The following COL9A3 variants were observed in gnomAD, a reference collection of about 807,000 sequenced individuals.
The protein encoded by COL9A3 is collagen alpha-3(IX) chain.
Under a neutral mutation model 110.2 loss-of-function variants are expected in COL9A3, and 82 were observed. The ratio of observed to expected loss-of-function variants is 0.74; its 90% confidence interval spans 0.62 to 0.89. The LOEUF (loss-of-function observed/expected upper bound fraction) is 0.89. Among genes scored for constraint, COL9A3 ranks in the 40% least tolerant of loss-of-function variants. The pLI, the probability that COL9A3 is intolerant of heterozygous loss-of-function variation, is 0.00. For missense variants in COL9A3, 1,066 were observed against 981.3 expected, an observed-to-expected ratio of 1.09 and a Z score of -1.15; for synonymous variants, 494 against 403.8, an observed-to-expected ratio of 1.22 and a Z score of -2.68.
intron 26 of COL9A3, among the ~76,000 whole-genome samples, chr20:62,834,450 G>A (rs1009567266): frequency 1.8e-4 from 26 of 148,308 alleles, no homozygotes; most frequent in Non-Finnish European, 5.9e-5. Flanking sequence ...TCGTGAGTCC[G>A]AGGGAAGGAC....
chr20:62,824,637 G>A, intron 11 of COL9A3, 136 bp downstream of exon 11: 1 of 949,218 alleles, frequency 1.1e-6, no homozygotes. Context: ...AGAAAGCTAG[G>A]CCAGCCTCCT....
In COL9A3 at chr20:62,836,246, T is replaced by A. The variant is rs140973451; in HGVS notation, c.1461T>A (p.Gly487=). The change falls in exon 28 of 32, where the codon GGT becomes GGA. Residue 487 remains glycine (G), a synonymous_variant. Coordinates refer to ENST00000649368, the MANE Select transcript of COL9A3 (RefSeq NM_001853.4). ...CCCAGGGTCCCAACGGCACCAGCGG[T>A]GTTCAGGGTGTCCCCGGGCCCCCCG... ...KGTQGPNGTS[G]VQGVPGPPGP... 2.6e-4 allele frequency: 424 copies of A among 1,613,668 alleles called. 1 individual carries two copies. In the Middle Eastern group the frequency reaches 3.8e-3, roughly 14 times the overall value.
Position 62,819,389 on chromosome 20 carries a change from C to G in COL9A3, c.255+96C>G, listed in dbSNP as rs572137824. 12 of 1,238,026 alleles carry G rather than the reference C, an allele frequency of 9.7e-6. No homozygotes were observed. In the African/African-American group the frequency reaches 1.6e-4, roughly 17 times the overall value. 76.7% of individuals were successfully genotyped at this position (1,238,026 alleles called of 1,614,324 possible). Reference sequence around the variant, plus strand: ...TTGCTGTTGTCCAGCTGGGCCTGCTCAGGCGGGAAGCCCAGTCCTGAGAGA... The same window carrying G: ...TTGCTGTTGTCCAGCTGGGCCTGCTGAGGCGGGAAGCCCAGTCCTGAGAGA... On this transcript the variant is annotated intron_variant, in intron 4 of 31. Coordinates refer to ENST00000649368, the MANE Select transcript of COL9A3 (RefSeq NM_001853.4).
intron 5 of COL9A3, among the ~76,000 whole-genome samples, chr20:62,820,742 A>G (rs1480319968): frequency 1.3e-5 from 2 of 151,442 alleles, no homozygotes; most frequent in East Asian, 3.9e-4. Context: ...CCGTCCAGGG[A>G]ATGAGGCATT....
Position 62,837,157 on chromosome 20 carries a change from G to A in COL9A3, c.1678G>A (p.Gly560Ser). 6.2e-7 allele frequency: 1 copy of A among 1,613,060 alleles called. No individual in the cohort carries two copies. Among genetic ancestry groups the A allele is most frequent in the Non-Finnish European group, 8.5e-7 (1 of 1,179,930 alleles). The part of the protein sequence containing the change: ...PGSIGRPGPA[G>S]PPGPPGPPGS... Reference sequence around the variant, plus strand: ...GTCCATTGGTCGGCCCGGTCCAGCTGGCCCCCCTGGGCCCCCAGGACCCCC... The same window carrying A: ...GTCCATTGGTCGGCCCGGTCCAGCTAGCCCCCCTGGGCCCCCAGGACCCCC... Residue 560 changes from glycine (G) to serine (S), a missense_variant, in exon 30 of 32, where the codon GGC (glycine) becomes AGC (serine). Transcript: ENST00000649368.
chr20:62,837,373 C>G, intron 30 of COL9A3, 108 bp downstream of exon 30: 1 of 1,234,882 alleles, frequency 8.1e-7, no homozygotes, highest in Admixed American at 2.0e-5. Context: ...AGGGGTAACC[C>G]CTGGAACGTG....
chr20:62,830,923 G>T (rs567497422), intron 24 of COL9A3, among the ~76,000 whole-genome samples: 27 of 151,208 alleles, frequency 1.8e-4, no homozygotes, highest in African/African-American at 6.3e-4. Flanking sequence ...GGCGCCTTTG[G>T]CCCCTCTGAC....
intron 17 of COL9A3, 123 bp from the exon 18 acceptor site, chr20:62,828,641 G>A: frequency 8.9e-7 from 1 of 1,122,752 alleles, no homozygotes; most frequent in Non-Finnish European, 1.3e-6. Context: ...CCAGATAACT[G>A]CCAGGGTGTG....
rs2063653170 is a variant in COL9A3 at position 62,838,695 on chromosome 20, G to T, written c.1798G>T (p.Asp600Tyr). The T allele has an allele frequency of 6.4e-7, 1 of 1,552,688 alleles. No homozygotes were observed. Among genetic ancestry groups the T allele is most frequent in the African/African-American group, 1.4e-5 (1 of 73,216 alleles). ...ACACCTCGTGACAGGAAACCAGGGT[G>T]ACAGAGGAGACAAAGGCGCGGCAGG... ...GDPGPRGNQG[D>Y]RGDKGAAGAG... The change falls in exon 31 of 32, where the codon GAC becomes TAC. Residue 600 changes from aspartate to tyrosine, a missense_variant. Asp to Tyr is a radical substitution (Grantham distance 160). Coordinates refer to ENST00000649368, the MANE Select transcript of COL9A3 (RefSeq NM_001853.4).
chr20:62,833,118 T>G, intron 26 of COL9A3, 54 bp downstream of exon 26: 1 of 1,450,668 alleles, frequency 6.9e-7, no homozygotes, highest in Admixed American at 1.7e-5. Flanking sequence ...AGGTCGCCAC[T>G]GTGGCTGGGG....
At chr20:62,822,779 G>A (rs1223342583) in intron 10 of COL9A3, 147 bp downstream of exon 10, 25 of 823,888 alleles carry the variant, frequency 3.0e-5, no homozygotes, top group South Asian at 1.2e-4. Context: ...CAGACAGCTC[G>A]GGCACAACCT....
chr20:62,824,391 G>A lies in COL9A3; in HGVS notation c.520-54G>A, dbSNP rs190709831. The A allele has an allele frequency of 6.6e-4, 1,009 of 1,539,404 alleles. 7 individuals are homozygous for A. The African/African-American group carries it at 0.013, about 19-fold the overall frequency. On this transcript the variant is annotated intron_variant, in intron 10 of 31. Transcript: ENST00000649368. ...TCCCGCGGGCGCTGACCCCTGCGTC[G>A]GACGTCCTGCTCTGTTTGGCTGGGA...
At chr20:62,817,732 C>T in intron 2 of COL9A3, 97 bp downstream of exon 2, 1 of 820,508 alleles carries the variant, frequency 1.2e-6, no homozygotes, top group Non-Finnish European at 1.9e-6. Context: ...GAAAACCAGG[C>T]CCCACCTCCC....
chr20:62,824,833 G>A, intron 11 of COL9A3, 135 bp from the exon 12 acceptor site: 3 of 971,534 alleles, frequency 3.1e-6, no homozygotes, highest in Non-Finnish European at 4.8e-6. Context: ...CCCCATGAGG[G>A]CCCAGACCCG....
chr20:62,827,110 G>A (rs1250857474), intron 15 of COL9A3, 131 bp from the exon 16 acceptor site: 1 of 928,108 alleles, frequency 1.1e-6, no homozygotes, highest in African/African-American at 1.6e-5. Context: ...CAGGCCTGGA[G>A]GGGCCCCCAT....
intron 31 of COL9A3, among the ~76,000 whole-genome samples, chr20:62,839,624 C>T (rs1254709296): frequency 4.6e-5 from 7 of 151,712 alleles, no homozygotes; most frequent in Non-Finnish European, 1.0e-4. Flanking sequence ...CCTCCACGCA[C>T]TCACACTGCT....
At chr20:62,828,700 C>T (rs1173234207) in intron 17 of COL9A3, 64 bp from the exon 18 acceptor site, 25 of 1,573,592 alleles carry the variant, frequency 1.6e-5, no homozygotes, top group Non-Finnish European at 2.1e-5. Flanking sequence ...GCCCCCAGGG[C>T]AGGACTGTAG....
At chr20:62,822,325 G>C (rs2063519122) in intron 9 of COL9A3, among the ~76,000 whole-genome samples, 161 bp downstream of exon 9, 2 of 152,152 alleles carry the variant, frequency 1.3e-5, no homozygotes, top group African/African-American at 4.8e-5. Flanking sequence ...AGTGGCTGTG[G>C]CTAGGCCAGC....
In COL9A3 at chr20:62,836,065, A is replaced by G. The variant is rs377000218; in HGVS notation, c.1401+112A>G. On this transcript the variant is annotated intron_variant, in intron 27 of 31. Transcript: ENST00000649368. ...AGGGCACTGCCCAGATCCGAGATGT[A>G]AAAAAGCTTGCTCTGGTCAAGGCTG... 7.4e-4 allele frequency: 1,193 copies of G among 1,605,480 alleles called. 19 individuals are homozygous for G. The South Asian group carries it at 0.012, about 16-fold the overall frequency.
Sources: gnomAD v4.1 joint callset for allele counts (sites outside exome capture counted in the v4.1 genomes callset) on GRCh38, gnomAD v4.1.1 for gene constraint, MANE v1.5 for transcripts, NCBI Gene and HGNC (gene_info 2026-07-23, HGNC 2026-07-21) for gene names.